The following ACSS3 variants were observed in gnomAD, a reference collection of about 807,000 sequenced individuals.
ACSS3 encodes acyl-CoA synthetase short chain family member 3.
ACSS3 carries 64 observed loss-of-function variants against 84.2 expected under a neutral mutation model. That is an observed-to-expected ratio of 0.76 (90% CI 0.62 to 0.94). The LOEUF (loss-of-function observed/expected upper bound fraction) is 0.94. ACSS3 is among the 40% of genes least tolerant of loss of function. The pLI is 0.00. For synonymous variants in ACSS3, 317 were observed against 310.1 expected, an observed-to-expected ratio of 1.02 and a Z score of -0.23; for missense variants, 815 against 867.6, an observed-to-expected ratio of 0.94 and a Z score of 0.76.
chr12:81,092,760 A>G (rs894137157), intron 1 of ACSS3, among the ~76,000 whole-genome samples: 1 of 152,180 alleles, frequency 6.6e-6, no homozygotes, highest in African/African-American at 2.4e-5. Flanking sequence ...TCACGTTTCA[A>G]ATTATCAAAA....
intron 13 of ACSS3, among the ~76,000 whole-genome samples, chr12:81,234,219 A>G (rs1227167073): frequency 1.3e-5 from 2 of 151,408 alleles, no homozygotes; most frequent in African/African-American, 4.8e-5. Flanking sequence ...TGTTGCATTT[A>G]TTAAGAATTT....
intron 2 of ACSS3, among the ~76,000 whole-genome samples, chr12:81,121,538 AG>A (rs1416779349): frequency 2.0e-5 from 3 of 152,106 alleles, no homozygotes; most frequent in Non-Finnish European, 4.4e-5. Context: ...TATTAAGCCT[AG>A]GCCTTAATGT....
chr12:81,115,177 T>C (rs1361365674), intron 2 of ACSS3, among the ~76,000 whole-genome samples: 1 of 152,162 alleles, frequency 6.6e-6, no homozygotes, highest in African/African-American at 2.4e-5. Context: ...TGCATTTGTG[T>C]TGGGGACGTG....
intron 2 of ACSS3, among the ~76,000 whole-genome samples, chr12:81,116,311 G>T (rs1174964089): frequency 6.6e-6 from 1 of 151,942 alleles, no homozygotes; most frequent in East Asian, 1.9e-4. Flanking sequence ...AAAGTATAGG[G>T]AATTATTAAA....
intron 1 of ACSS3, among the ~76,000 whole-genome samples, chr12:81,079,956 T>C (rs2121249646): frequency 6.6e-6 from 1 of 152,304 alleles, no homozygotes; most frequent in African/African-American, 2.4e-5. Flanking sequence ...ATAATTATCT[T>C]AGGAGCAGGA....
chr12:81,246,964 T>A (rs546323870), intron 13 of ACSS3, among the ~76,000 whole-genome samples: 1 of 152,312 alleles, frequency 6.6e-6, no homozygotes, highest in African/African-American at 2.4e-5. Context: ...TAAAAAAGTT[T>A]GTACCTATCT....
At chr12:81,174,320 A>AAAGGT (rs1206048770) in intron 7 of ACSS3, among the ~76,000 whole-genome samples, 1 of 152,130 alleles carries the variant, frequency 6.6e-6, no homozygotes, top group Non-Finnish European at 1.5e-5. Flanking sequence ...TTGGAGTGAG[A>AAAGGT]CATTTAACTG....
chr12:81,253,511 G>T lies in ACSS3; in HGVS notation c.1836G>T (p.Glu612Asp). The T allele has an allele frequency of 6.2e-7, 1 of 1,613,814 alleles. No individual in the cohort carries two copies. The highest frequency in any genetic ancestry group is 2.2e-5 in the East Asian group (1 of 44,856). The change falls in exon 15 of 16, where the codon GAG (glutamate) becomes GAT (aspartate). Residue 612 changes from glutamate to aspartate, a missense_variant. Physicochemically the swap from Glu to Asp is conservative, Grantham distance 45 (BLOSUM62 2). Coordinates refer to ENST00000548058, the MANE Select transcript of ACSS3 (RefSeq NM_024560.4). ...TCTCTCTAGATATAAATGCAACAGA[G>T]GAGCAAGTTTTGGAAGAAATTGTGA... ...CVLRKDINAT[E>D]EQVLEEIVKH...
At chr12:81,124,817 A>C (rs1406117492) in intron 2 of ACSS3, among the ~76,000 whole-genome samples, 1 of 152,156 alleles carries the variant, frequency 6.6e-6, no homozygotes, top group Non-Finnish European at 1.5e-5. Context: ...ATAGAAGGTA[A>C]TCTTTCTTTG....
At chr12:81,145,057 C>T (rs1210954255) in intron 5 of ACSS3, among the ~76,000 whole-genome samples, 5 of 146,854 alleles carry the variant, frequency 3.4e-5, no homozygotes, top group African/African-American at 1.3e-4. Context: ...CCCGCCACCA[C>T]GCCTGGCTAA....
At chr12:81,189,608 A>G (rs1016896615) in intron 8 of ACSS3, among the ~76,000 whole-genome samples, 4 of 151,976 alleles carry the variant, frequency 2.6e-5, no homozygotes, top group Non-Finnish European at 1.5e-5. Flanking sequence ...CAAGTCCTTT[A>G]CTGACTTATA....
chr12:81,119,906 A>G (rs1475434059), intron 2 of ACSS3, among the ~76,000 whole-genome samples: 1 of 152,224 alleles, frequency 6.6e-6, no homozygotes, highest in Non-Finnish European at 1.5e-5. Flanking sequence ...TAAGACAGGC[A>G]TAAGAAATCA....
intron 7 of ACSS3, among the ~76,000 whole-genome samples, chr12:81,170,571 G>A (rs1478030704): frequency 1.3e-5 from 2 of 152,164 alleles, no homozygotes; most frequent in Non-Finnish European, 2.9e-5. Flanking sequence ...TTGGGAGAAA[G>A]GAATTAAATA....
At chr12:81,204,049 C>T (rs2032230954) in intron 9 of ACSS3, among the ~76,000 whole-genome samples, 1 of 151,960 alleles carries the variant, frequency 6.6e-6, no homozygotes, top group Non-Finnish European at 1.5e-5. Context: ...AAATAAAACA[C>T]TATATTGTTA....
intron 2 of ACSS3, among the ~76,000 whole-genome samples, chr12:81,113,078 A>G (rs890901674): frequency 2.0e-5 from 3 of 152,164 alleles, no homozygotes; most frequent in Non-Finnish European, 4.4e-5. Context: ...TGTATGCCAA[A>G]CCCTGATAGG....
intron 9 of ACSS3, among the ~76,000 whole-genome samples, chr12:81,203,696 T>C (rs1316331725): frequency 6.6e-6 from 1 of 152,180 alleles, no homozygotes; most frequent in African/African-American, 2.4e-5. Flanking sequence ...TGGAGTATAA[T>C]AATGTAAATA....
chr12:81,221,180 A>G (rs2033093588), intron 11 of ACSS3, among the ~76,000 whole-genome samples: 1 of 152,102 alleles, frequency 6.6e-6, no homozygotes, highest in Admixed American at 6.6e-5. Flanking sequence ...ATTAAGTTAG[A>G]AGGTTCACAG....
chr12:81,182,484 A>G (rs2031000806), intron 8 of ACSS3, among the ~76,000 whole-genome samples: 1 of 152,218 alleles, frequency 6.6e-6, no homozygotes, highest in Admixed American at 6.5e-5. Context: ...ATGGTGGTGC[A>G]TAAATCATAC....
rs1197443234 is a variant in ACSS3, at chr12:81,078,433, T to G, written c.311+2T>G. On this transcript the variant is annotated splice_donor_variant, in intron 1 of 15. Coordinates refer to ENST00000548058, the MANE Select transcript of ACSS3 (RefSeq NM_024560.4). LOFTEE classifies it high-confidence loss of function. ...CAAACACTCGCCCTCTACCAGGTGG[T>G]GAGTGACTTCTGTGCCAACCCTGAT... is the stretch of plus-strand genomic sequence containing the variant. 1 of 1,611,976 alleles carries G rather than the reference T, an allele frequency of 6.2e-7. No individual in the cohort carries two copies.
Sources: allele counts gnomAD v4.1 joint callset (sites outside exome capture counted in the v4.1 genomes callset), GRCh38; gene constraint gnomAD v4.1.1; transcripts MANE v1.5; gene names NCBI Gene and HGNC (gene_info 2026-07-23, HGNC 2026-07-21).